Variants in NMRK1 observed in about 807,000 individuals in gnomAD.
The protein encoded by NMRK1 is nicotinamide riboside kinase 1.
A neutral mutation model predicts 29.9 loss-of-function variants in NMRK1; 28 were observed. The observed-to-expected ratio is 0.94, with a 90% CI of 0.69 to 1.28. The LOEUF (loss-of-function observed/expected upper bound fraction) is 1.28, where lower values mean the gene tolerates loss of function less well. Ranked by LOEUF, NMRK1 falls within the 50% of genes most tolerant of loss-of-function variation. The pLI is 0.00. For synonymous variants in NMRK1, 58 were observed against 73.0 expected, an observed-to-expected ratio of 0.79 and a Z score of 1.05; for missense variants, 218 against 233.1, an observed-to-expected ratio of 0.94 and a Z score of 0.42.
At chr9:75,069,859 T>C (rs1229753030) in intron 5 of NMRK1, 36 bp downstream of exon 5, 3 of 1,612,004 alleles carry the variant, frequency 1.9e-6, no homozygotes, top group South Asian at 1.1e-5. Context: ...TATCCCCCCA[T>C]TCACTCAGAG....
At chr9:75,087,598 C>A (rs1003565831) in intron 1 of NMRK1, 16 of 149,052 alleles carry the variant, frequency 1.1e-4, no homozygotes, top group African/African-American at 3.7e-4. Flanking sequence ...CTTTTTATTT[C>A]TTTTCAGTCA....
chr9:75,068,508 G>T (rs1011248111), intron 7 of NMRK1, among the ~76,000 whole-genome samples: 1 of 152,004 alleles, frequency 6.6e-6, no homozygotes, highest in African/African-American at 2.4e-5. Context: ...CACTTTCTGG[G>T]GTAATCTTCT....
At chr9:75,074,851 T>C (rs544953889) in intron 4 of NMRK1, among the ~76,000 whole-genome samples, 2 of 152,358 alleles carry the variant, frequency 1.3e-5, no homozygotes, top group South Asian at 2.1e-4. Flanking sequence ...CTTAAATTTG[T>C]ACATTTACCT....
intron 4 of NMRK1, among the ~76,000 whole-genome samples, chr9:75,072,547 T>A (rs1412631941): frequency 6.6e-6 from 1 of 152,010 alleles, no homozygotes; most frequent in Non-Finnish European, 1.5e-5. Flanking sequence ...GTGAATAGAG[T>A]GGGTGAGGGT....
intron 1 of NMRK1, among the ~76,000 whole-genome samples, chr9:75,087,198 G>C (rs1824710250): frequency 1.3e-5 from 2 of 152,062 alleles, no homozygotes; most frequent in African/African-American, 4.8e-5. Context: ...AAGGGCTGGG[G>C]TTTTTGAAAA....
chr9:75,063,051 C>T lies in NMRK1; in HGVS notation c.581-1484G>A, dbSNP rs578051579. Among the ~76,000 whole-genome samples the T allele has an allele frequency of 1.2e-4, 18 of 150,658 alleles. No homozygotes were observed. In the Middle Eastern group the frequency reaches 0.011, roughly 90 times the overall value. Reference sequence around the variant, plus strand: ...ATTGGCTGGGCACAGTGGTTCACACCTGTAATCCCAGCATTTTGGGAGGCC... The same window carrying T: ...ATTGGCTGGGCACAGTGGTTCACACTTGTAATCCCAGCATTTTGGGAGGCC... On this transcript the variant is annotated intron_variant, in intron 8 of 8. Transcript: ENST00000361092.
At chr9:75,073,667 C>A (rs1381302810) in intron 4 of NMRK1, among the ~76,000 whole-genome samples, 1 of 152,024 alleles carries the variant, frequency 6.6e-6, no homozygotes, top group Non-Finnish European at 1.5e-5. Context: ...TGAACCTGGG[C>A]AGCAGAGGTT....
intron 4 of NMRK1, among the ~76,000 whole-genome samples, chr9:75,075,965 T>C (rs1403475027): frequency 6.6e-6 from 1 of 152,236 alleles, no homozygotes; most frequent in Non-Finnish European, 1.5e-5. Context: ...GGAACCATCA[T>C]ATACTATTGG....
chr9:75,067,404 G>A (rs546621774), intron 7 of NMRK1, among the ~76,000 whole-genome samples: 29 of 152,278 alleles, frequency 1.9e-4, no homozygotes, highest in African/African-American at 6.3e-4. Flanking sequence ...GGCATAAGCA[G>A]CTTTGGAGAA....
chr9:75,080,966 C>T (rs988615075), intron 2 of NMRK1, among the ~76,000 whole-genome samples: 1 of 152,134 alleles, frequency 6.6e-6, no homozygotes, highest in African/African-American at 2.4e-5. Flanking sequence ...GCCAAATAAA[C>T]CTCCTTTTCT....
At chr9:75,063,390 TA>T (rs1823152034) in intron 8 of NMRK1, among the ~76,000 whole-genome samples, 1 of 151,628 alleles carries the variant, frequency 6.6e-6, no homozygotes, top group African/African-American at 2.4e-5. Context: ...TAAAAAACCT[TA>T]AAAATAATGT....
Position 75,077,214 on chromosome 9 carries a change from AAAT to A in NMRK1, c.121-10_121-8del. The A allele has an allele frequency of 1.3e-6, 2 of 1,587,892 alleles. No homozygotes were observed. The highest frequency in any genetic ancestry group is 1.7e-6 in the Non-Finnish European group (2 of 1,159,816). On this transcript the variant is annotated splice_region_variant and splice_polypyrimidine_tract_variant and intron_variant, in intron 3 of 8. Coordinates refer to ENST00000361092, the MANE Select transcript of NMRK1 (RefSeq NM_017881.3). ...TCTCTATCTCAGACTCTGGCTGGAA[AAAT>A]AATAAAGTACCCATCAAAACAGTGT...
At chr9:75,066,947 G>C (rs1823389818) in intron 7 of NMRK1, 107 bp from the exon 8 acceptor site, 1 of 670,738 alleles carries the variant, frequency 1.5e-6, no homozygotes, top group East Asian at 2.6e-5. Context: ...TTTAACCAAG[G>C]CACCCAGGAC....
chr9:75,078,373 C>T (rs1396009405), intron 2 of NMRK1: 4 of 1,571,100 alleles, frequency 2.5e-6, no homozygotes, highest in Admixed American at 1.9e-5. Flanking sequence ...CCATCTCTCT[C>T]CACCTGGGGG....
At chr9:75,082,405 A>AT (rs1362788211) in intron 2 of NMRK1, among the ~76,000 whole-genome samples, 8 of 152,250 alleles carry the variant, frequency 5.3e-5, no homozygotes, top group African/African-American at 1.9e-4. Flanking sequence ...TTTCCCCAAA[A>AT]TTACAAACAA....
chr9:75,074,000 A>G (rs968489770), intron 4 of NMRK1, among the ~76,000 whole-genome samples: 3 of 152,114 alleles, frequency 2.0e-5, no homozygotes, highest in African/African-American at 7.2e-5. Flanking sequence ...TGTTTCCATC[A>G]TGGATCTTTT....
chr9:75,072,573 T>C (rs1019828705), intron 4 of NMRK1, among the ~76,000 whole-genome samples: 1 of 152,178 alleles, frequency 6.6e-6, no homozygotes, highest in Non-Finnish European at 1.5e-5. Flanking sequence ...TGAAATATAA[T>C]TGGTCAAAAT....
intron 1 of NMRK1, among the ~76,000 whole-genome samples, chr9:75,086,912 T>TTG (rs1824680366): frequency 6.6e-6 from 1 of 150,956 alleles, no homozygotes; most frequent in African/African-American, 2.4e-5. Context: ...GGCTGGGTTT[T>TTG]TTTTTTTTTT....
chr9:75,065,610 C>T (rs936444216), intron 8 of NMRK1, among the ~76,000 whole-genome samples: 3 of 152,128 alleles, frequency 2.0e-5, no homozygotes, highest in African/African-American at 7.2e-5. Flanking sequence ...TGAGCCATTG[C>T]AACTGGCCAG....
Sources: allele counts gnomAD v4.1 joint callset (sites outside exome capture counted in the v4.1 genomes callset), GRCh38; gene constraint gnomAD v4.1.1; transcripts MANE v1.5; gene names NCBI Gene and HGNC (gene_info 2026-07-23, HGNC 2026-07-21).